ITGA4: variants seen among roughly 807,000 people sequenced by gnomAD.
The protein encoded by ITGA4 is integrin subunit alpha 4.
A neutral mutation model predicts 133.6 loss-of-function variants in ITGA4; 63 were observed. That is an observed-to-expected ratio of 0.47 (90% CI 0.38 to 0.58). ITGA4 has a LOEUF of 0.58. Ranked by LOEUF, ITGA4 falls within the 20% of genes least tolerant of loss-of-function variation. The probability of loss-of-function intolerance (pLI) is 0.00; values close to 1 mark genes in which losing one functional copy is unlikely to be tolerated. For synonymous variants in ITGA4, 483 were observed against 438.0 expected (o/e 1.10, Z -1.28); for missense variants, 1,076 against 1,252.7 (o/e 0.86, Z 2.13).
In ITGA4 at chr2:181,459,733, A is replaced by G. The variant is rs375664183; in HGVS notation, c.319+1416A>G. 1.2e-4 allele frequency among the ~76,000 whole-genome samples: 18 copies of G among 152,192 alleles called. No homozygotes were observed. In the East Asian group the frequency reaches 2.3e-3, roughly 20 times the overall value. On this transcript the variant is annotated intron_variant, in intron 2 of 27. Coordinates refer to ENST00000397033, the MANE Select transcript of ITGA4 (RefSeq NM_000885.6). ...ATGAGAGAGTTGTGGGTGAAGAATT[A>G]GGGAGTGGAGCCGACAACTTTGGTC...
At chr2:181,476,717 T>G (rs1317917821) in intron 4 of ITGA4, among the ~76,000 whole-genome samples, 1 of 152,148 alleles carries the variant, frequency 6.6e-6, no homozygotes, top group Non-Finnish European at 1.5e-5. Flanking sequence ...GGAATCAACC[T>G]AAATGCACAT....
At chr2:181,522,791 A>G (rs1285470748) in intron 18 of ITGA4, among the ~76,000 whole-genome samples, 1 of 152,284 alleles carries the variant, frequency 6.6e-6, no homozygotes, top group South Asian at 2.1e-4. Context: ...CTTCATACCA[A>G]TAGTGACCTT....
At chr2:181,505,357 C>T (rs1309886766) in intron 15 of ITGA4, among the ~76,000 whole-genome samples, 2 of 151,928 alleles carry the variant, frequency 1.3e-5, no homozygotes, top group Non-Finnish European at 2.9e-5. Context: ...GCCTGTTGCT[C>T]AGCTCTCAAG....
chr2:181,482,589 G>A lies in ITGA4; in HGVS notation c.979G>A (p.Ala327Thr). Residue 327 changes from alanine (A) to threonine (T), a missense_variant, in exon 9 of 28, where the codon GCA (alanine) becomes ACA (threonine). Ala to Thr is a moderately conservative substitution (Grantham distance 58). Coordinates refer to ENST00000397033, the MANE Select transcript of ITGA4 (RefSeq NM_000885.6). ...TGGCTTCTCAGATCTGCTCGTGGGA[G>A]CACCCATGCAGAGCACCATCAGAGA... ...ADGFSDLLVG[A>T]PMQSTIREEG... 1 of 1,613,752 alleles carries A rather than the reference G, an allele frequency of 6.2e-7. No homozygotes were observed. Among genetic ancestry groups the A allele is most frequent in the Non-Finnish European group, 8.5e-7 (1 of 1,179,786 alleles).
rs1437352535 is a variant in ITGA4, at chr2:181,537,106, A to ATGACATTTATGTATTTT, written c.*1581_*1597dup. 4.4e-6 allele frequency: 2 copies of ATGACATTTATGTATTTT among 452,508 alleles called. No homozygotes were observed. Among genetic ancestry groups the ATGACATTTATGTATTTT allele is most frequent in the Non-Finnish European group, 8.8e-6 (2 of 226,346 alleles). The allele number at this position is 452,508 out of a possible 1,614,324, so 28.0% of individuals were successfully genotyped here. ...GTGTGTATACACAGGAATAAACTTT[A>ATGACATTTATGTATTTT]TGACATTTATGTATTTTTAAAAAAC... On this transcript the variant is annotated 3_prime_UTR_variant, in exon 28 of 28. Transcript: ENST00000397033.
At chr2:181,494,634 G>T in intron 11 of ITGA4, 88 bp from the exon 12 acceptor site, 1 of 769,954 alleles carries the variant, frequency 1.3e-6, no homozygotes, top group South Asian at 1.4e-5. Context: ...AGGCATGCCT[G>T]GGAAAGCTCA....
In ITGA4 at chr2:181,538,298, C is replaced by T; in HGVS notation, c.*2771C>T. 9.7e-7 allele frequency: 1 copy of T among 1,036,076 alleles called. No homozygotes were observed. The highest frequency in any genetic ancestry group is 1.5e-6 in the Non-Finnish European group (1 of 659,242). 64.2% of individuals were successfully genotyped at this position (1,036,076 alleles called of 1,614,324 possible). ...CTTATTTTGTTGTTTTTCACATACA[C>T]CTAATAAGTATGGTACACAATGCCA... On this transcript the variant is annotated 3_prime_UTR_variant, in exon 28 of 28. Coordinates refer to ENST00000397033, the MANE Select transcript of ITGA4 (RefSeq NM_000885.6).
Position 181,537,976 on chromosome 2 carries a change from G to A in ITGA4, c.*2449G>A, listed in dbSNP as rs866941620. The A allele has an allele frequency of 3.0e-6, 2 of 661,552 alleles. No homozygotes were observed. The highest frequency in any genetic ancestry group is 5.7e-6 in the Non-Finnish European group (2 of 353,562). The allele number at this position is 661,552 out of a possible 1,614,324, so 41.0% of individuals were successfully genotyped here. On this transcript the variant is annotated 3_prime_UTR_variant, in exon 28 of 28. Transcript: ENST00000397033. ...CCATATGGTGAACTGGTATGTGAGG[G>A]ATCTAGAGTGCCATGTTCCTCAAGA...
intron 21 of ITGA4, among the ~76,000 whole-genome samples, chr2:181,526,850 T>TTTTTTTTTTTTTTTTTTG: frequency 7.7e-6 from 1 of 130,378 alleles, no homozygotes; most frequent in Non-Finnish European, 1.6e-5. Flanking sequence ...TTTTTTTTTT[T>TTTTTTTTTTTTTTTTTTG]TTTAAGAGTC....
In ITGA4 at chr2:181,537,286, C is replaced by T. The variant is rs201346788; in HGVS notation, c.*1759C>T. 1.1e-5 allele frequency: 5 copies of T among 453,482 alleles called. No individual in the cohort carries two copies. The highest frequency in any genetic ancestry group is 3.1e-5 in the South Asian group (2 of 64,472). 28.1% of individuals were successfully genotyped at this position (453,482 alleles called of 1,614,324 possible). A position where few individuals can be genotyped will look rare whatever the true frequency, so the allele number is the denominator to read the frequency against. The stretch of plus-strand genomic sequence containing the variant: ...CCTACTCAGAACTACTCAGAAACAA[C>T]TATATATTTCAGGTTATCTGAGCAC... On this transcript the variant is annotated 3_prime_UTR_variant, in exon 28 of 28. Coordinates refer to ENST00000397033, the MANE Select transcript of ITGA4 (RefSeq NM_000885.6).
In ITGA4 at chr2:181,536,177, T is replaced by C. The variant is rs965187224; in HGVS notation, c.*650T>C. The C allele has an allele frequency of 1.3e-4, 19 of 151,926 alleles. No homozygotes were observed. Among genetic ancestry groups the C allele is most frequent in the Admixed American group, 9.2e-4 (14 of 15,224 alleles). 9.4% of individuals were successfully genotyped at this position (151,926 alleles called of 1,614,324 possible). On this transcript the variant is annotated 3_prime_UTR_variant, in exon 28 of 28. Coordinates refer to ENST00000397033, the MANE Select transcript of ITGA4 (RefSeq NM_000885.6). ...GTACACTGGTTTGAGCTTAGTGAAA[T>C]TACTTCTGGATAATTATTTTTTTAT...
intron 2 of ITGA4, among the ~76,000 whole-genome samples, chr2:181,474,073 AG>A (rs1455539862): frequency 6.6e-6 from 1 of 152,242 alleles, no homozygotes; most frequent in Non-Finnish European, 1.5e-5. Flanking sequence ...CCAACTGAAG[AG>A]GGTGAAAAGA....
chr2:181,529,759 T>G, intron 23 of ITGA4, 111 bp downstream of exon 23: 1 of 622,408 alleles, frequency 1.6e-6, no homozygotes. Flanking sequence ...ATTGTTAACT[T>G]ACTTCAGTCA....
Position 181,476,943 on chromosome 2 carries a change from A to C in ITGA4, c.556+1655A>C, listed in dbSNP as rs538481235. ...GAGTACATATGGACACAAGGGACAC[A>C]AAGTAGGCACAAACACTAGGGCCTA... On this transcript the variant is annotated intron_variant, in intron 4 of 27. Coordinates refer to ENST00000397033, the MANE Select transcript of ITGA4 (RefSeq NM_000885.6). 3.3e-5 allele frequency among the ~76,000 whole-genome samples: 5 copies of C among 152,240 alleles called. No homozygotes were observed. The East Asian group carries it at 9.7e-4, about 29-fold the overall frequency.
chr2:181,470,649 A>C (rs1283281667), intron 2 of ITGA4, among the ~76,000 whole-genome samples: 1 of 152,166 alleles, frequency 6.6e-6, no homozygotes, highest in Non-Finnish European at 1.5e-5. Flanking sequence ...GCTTTGGAGA[A>C]GGCCATGATC....
At chr2:181,530,687 C>T (rs1686927182) in intron 24 of ITGA4, 38 bp downstream of exon 24, 1 of 1,587,632 alleles carries the variant, frequency 6.3e-7, no homozygotes, top group Non-Finnish European at 8.6e-7. Context: ...TCCTGCTTTC[C>T]AACAGAGAAG....
intron 10 of ITGA4, chr2:181,493,040 C>A (rs1052773968): frequency 3.4e-5 from 9 of 261,474 alleles, no homozygotes; most frequent in Non-Finnish European, 5.8e-5. Context: ...AGTGGCAGAG[C>A]TCGGATCAGA....
intron 1 of ITGA4, 125 bp from the exon 2 acceptor site, chr2:181,458,071 G>T: frequency 7.4e-7 from 1 of 1,351,358 alleles, no homozygotes; most frequent in Middle Eastern, 2.6e-4. Flanking sequence ...GCTTCGAGTC[G>T]GGGGTGGTGG....
chr2:181,457,815 A>T lies in ITGA4; in HGVS notation c.161A>T (p.Tyr54Phe). Residue 54 changes from tyrosine to phenylalanine, a missense_variant, in exon 1 of 28, where the codon TAC becomes TTC. Coordinates refer to ENST00000397033, the MANE Select transcript of ITGA4 (RefSeq NM_000885.6). ...GGCCCCCACAACACGCTGTTCGGCTACTCGGTCGTGCTGCACAGCCACGGG... is the reference window on the plus strand; with the variant it reads ...GGCCCCCACAACACGCTGTTCGGCTTCTCGGTCGTGCTGCACAGCCACGGG... Reference protein sequence around the residue: ...YQGPHNTLFGYSVVLHSHGAN... With the variant: ...YQGPHNTLFGFSVVLHSHGAN... 1.9e-6 allele frequency: 3 copies of T among 1,613,494 alleles called. No homozygotes were observed. Among genetic ancestry groups the T allele is most frequent in the Non-Finnish European group, 2.5e-6 (3 of 1,179,896 alleles).
Sources: allele counts gnomAD v4.1 joint callset (sites outside exome capture counted in the v4.1 genomes callset), GRCh38; gene constraint gnomAD v4.1.1; transcripts MANE v1.5; gene names NCBI Gene and HGNC (gene_info 2026-07-23, HGNC 2026-07-21).